ARHGAP44: variants seen among roughly 807,000 people sequenced by gnomAD.
ARHGAP44 encodes the protein rho GTPase-activating protein 44.
ARHGAP44 carries 43 observed loss-of-function variants against 106.8 expected under a neutral mutation model. The observed-to-expected ratio is 0.40, with a 90% CI of 0.32 to 0.52. The LOEUF (loss-of-function observed/expected upper bound fraction) is 0.52. Ranked by LOEUF, ARHGAP44 falls within the 20% of genes least tolerant of loss-of-function variation. ARHGAP44 has a pLI of 0.48. For missense variants in ARHGAP44, 866 were observed against 1,050.5 expected (o/e 0.82, Z 2.43); for synonymous variants, 439 against 410.3 (o/e 1.07, Z -0.85).
At chr17:12,908,157 T>C (rs551602748) in intron 3 of ARHGAP44, among the ~76,000 whole-genome samples, 4 of 152,108 alleles carry the variant, frequency 2.6e-5, no homozygotes, top group South Asian at 4.2e-4. Flanking sequence ...GTGAACACTT[T>C]TCTGTCTCTT....
At position 12,990,294 on chromosome 17, in the gene ARHGAP44, G is replaced by A. The variant is rs1164937186; in HGVS notation, c.*123G>A. 11 of 1,330,084 alleles carry A rather than the reference G, an allele frequency of 8.3e-6. No homozygotes were observed. Among genetic ancestry groups the A allele is most frequent in the South Asian group, 3.0e-5 (2 of 66,002 alleles). The allele number at this position is 1,330,084 out of a possible 1,614,324, so 82.4% of individuals were successfully genotyped here. Reference sequence around the variant, plus strand: ...GGCTCTTTCCTGCCACTGCCAACACGAGGTTGGAATTTGGCAGAAAATTGT... The same window carrying A: ...GGCTCTTTCCTGCCACTGCCAACACAAGGTTGGAATTTGGCAGAAAATTGT... On this transcript the variant is annotated 3_prime_UTR_variant, in exon 21 of 21. Transcript: ENST00000379672.
chr17:12,794,764 T>C (rs1477968227), intron 1 of ARHGAP44, among the ~76,000 whole-genome samples: 3 of 152,128 alleles, frequency 2.0e-5, no homozygotes, highest in Admixed American at 1.3e-4. Flanking sequence ...TCATTGCTGC[T>C]GTGCAGCTCT....
At chr17:12,879,892 G>A (rs951233430) in intron 1 of ARHGAP44, among the ~76,000 whole-genome samples, 1 of 151,766 alleles carries the variant, frequency 6.6e-6, no homozygotes, top group East Asian at 1.9e-4. Flanking sequence ...CACATATTTT[G>A]TATATGTATT....
At chr17:12,807,727 G>C (rs912660100) in intron 1 of ARHGAP44, among the ~76,000 whole-genome samples, 8 of 152,110 alleles carry the variant, frequency 5.3e-5, no homozygotes, top group African/African-American at 1.9e-4. Context: ...ACACAGCCAA[G>C]CCATATTATT....
intron 4 of ARHGAP44, among the ~76,000 whole-genome samples, chr17:12,913,716 C>T (rs1184674072): frequency 3.3e-5 from 5 of 151,242 alleles, no homozygotes; most frequent in African/African-American, 1.2e-4. Flanking sequence ...GCCTGTAATC[C>T]TAACACTTTG....
intron 1 of ARHGAP44, among the ~76,000 whole-genome samples, chr17:12,815,542 T>C (rs1174122612): frequency 6.6e-6 from 1 of 152,146 alleles, no homozygotes; most frequent in South Asian, 2.1e-4. Context: ...TTTAAACTAT[T>C]ATGAAATTAG....
intron 1 of ARHGAP44, among the ~76,000 whole-genome samples, chr17:12,893,208 T>C (rs1373382647): frequency 6.6e-6 from 1 of 152,140 alleles, no homozygotes. Flanking sequence ...AGATGGAGGT[T>C]CTTCTTGTTA....
chr17:12,987,078 A>C (rs1412322620), intron 20 of ARHGAP44: 32 of 1,521,988 alleles, frequency 2.1e-5, no homozygotes, highest in Non-Finnish European at 2.7e-5. Flanking sequence ...CTTTCTCCGA[A>C]TCCTATCATT....
chr17:12,959,077 C>G (rs903780297), intron 16 of ARHGAP44, 180 bp downstream of exon 16: 2 of 713,786 alleles, frequency 2.8e-6, no homozygotes, highest in Admixed American at 2.3e-5. Context: ...GCTTGCCGCC[C>G]TTTAGACCAG....
chr17:12,928,338 G>A (rs1287412493), intron 6 of ARHGAP44, among the ~76,000 whole-genome samples: 7 of 152,296 alleles, frequency 4.6e-5, no homozygotes, highest in Admixed American at 2.6e-4. Flanking sequence ...ATAGGCAGGG[G>A]ACTTAAACCA....
intron 16 of ARHGAP44, among the ~76,000 whole-genome samples, chr17:12,965,177 C>T (rs913312139): frequency 1.1e-4 from 16 of 152,118 alleles, no homozygotes; most frequent in Admixed American, 3.3e-4. Flanking sequence ...CCCGATGGGC[C>T]GGCGATCTGC....
chr17:12,975,880 C>T (rs1169355330), intron 18 of ARHGAP44, among the ~76,000 whole-genome samples: 2 of 150,280 alleles, frequency 1.3e-5, no homozygotes, highest in African/African-American at 2.4e-5. Flanking sequence ...CAGGCCCTGA[C>T]AAATAATGAC....
chr17:12,816,249 C>T (rs1209989072), intron 1 of ARHGAP44, among the ~76,000 whole-genome samples: 1 of 152,100 alleles, frequency 6.6e-6, no homozygotes, highest in African/African-American at 2.4e-5. Context: ...TTCTCTGCTC[C>T]TCAGCACTCT....
chr17:12,833,300 C>T (rs74918296), intron 1 of ARHGAP44, among the ~76,000 whole-genome samples: 8 of 152,270 alleles, frequency 5.3e-5, no homozygotes, highest in African/African-American at 1.4e-4. Flanking sequence ...TGGACTTTTT[C>T]GTACGTGTCT....
intron 20 of ARHGAP44, chr17:12,985,231 T>C: frequency 3.5e-6 from 1 of 284,224 alleles, no homozygotes; most frequent in Non-Finnish European, 6.5e-6. Context: ...GGCTGGAAGC[T>C]GGTTATGATC....
intron 6 of ARHGAP44, among the ~76,000 whole-genome samples, 188 bp downstream of exon 6, chr17:12,920,019 G>A (rs1368835833): frequency 6.6e-6 from 1 of 152,140 alleles, no homozygotes; most frequent in African/African-American, 2.4e-5. Context: ...GAAGGCTGCA[G>A]TTGAGTTTTG....
chr17:12,975,795 C>CAAAAAAAAA (rs57364760), intron 18 of ARHGAP44, among the ~76,000 whole-genome samples: 58 of 68,978 alleles, frequency 8.4e-4, no homozygotes, highest in African/African-American at 9.3e-4. Flanking sequence ...GACTCCGTCT[C>CAAAAAAAAA]AAAAAAAAAA....
chr17:12,816,729 G>T (rs1202627829), intron 1 of ARHGAP44, among the ~76,000 whole-genome samples: 1 of 152,148 alleles, frequency 6.6e-6, no homozygotes, highest in Non-Finnish European at 1.5e-5. Flanking sequence ...ACGTGTGTAT[G>T]CATCTGAGAA....
chr17:12,906,253 G>A (rs1474870590), intron 3 of ARHGAP44, among the ~76,000 whole-genome samples: 1 of 152,176 alleles, frequency 6.6e-6, no homozygotes, highest in Non-Finnish European at 1.5e-5. Context: ...GACCACATGT[G>A]TGGGGGGATT....
Sources: allele counts gnomAD v4.1 joint callset (sites outside exome capture counted in the v4.1 genomes callset), GRCh38; gene constraint gnomAD v4.1.1; transcripts MANE v1.5; gene names NCBI Gene and HGNC (gene_info 2026-07-23, HGNC 2026-07-21).